KRABD2: variants seen among roughly 807,000 people sequenced by gnomAD.
The protein encoded by KRABD2 is KRAB domain-containing protein 2.
the KRABD2 span, among the ~76,000 whole-genome samples, chr17:8,367,716 G>A: frequency 7.9e-4 from 119 of 151,592 alleles, no homozygotes; most frequent in African/African-American, 2.7e-3. Flanking sequence ...CCTAGGCAGA[G>A]GACCCTGCGG....
chr17:8,364,117 C>T, the KRABD2 span, among the ~76,000 whole-genome samples: 1 of 151,696 alleles, frequency 6.6e-6, no homozygotes, highest in Admixed American at 6.6e-5. The surrounding 1 kb of genome is among the most constrained non-coding windows in gnomAD (Gnocchi z 4.4). Context: ...GATCCACCCA[C>T]CTTGGCCTTC....
the KRABD2 span, among the ~76,000 whole-genome samples, chr17:8,364,662 G>C: frequency 1.8e-4 from 27 of 152,094 alleles, no homozygotes; most frequent in Admixed American, 1.5e-3. This position sits in a 1 kb window ranked among gnomAD's most constrained non-coding sequence, Gnocchi z 4.4. Flanking sequence ...CATATGCCGA[G>C]TTCTCAAGAG....
At chr17:8,366,392 T>C in the KRABD2 span, among the ~76,000 whole-genome samples, 1 of 152,134 alleles carries the variant, frequency 6.6e-6, no homozygotes, top group South Asian at 2.1e-4. Flanking sequence ...AGGCCAACTC[T>C]TGCATTTTGT....
At chr17:8,370,338 G>A in the KRABD2 span, 1 of 1,604,852 alleles carries the variant, frequency 6.2e-7, no homozygotes, top group South Asian at 1.1e-5. Context: ...AACCCCAGGT[G>A]GATCATTTCC....
the KRABD2 span, among the ~76,000 whole-genome samples, chr17:8,375,398 G>A: frequency 6.6e-6 from 1 of 152,352 alleles, no homozygotes; most frequent in East Asian, 1.9e-4. Context: ...TGGAGAGGCG[G>A]CATCTTCCTT....
At chr17:8,375,785 G>T in the KRABD2 span, 5 of 639,006 alleles carry the variant, frequency 7.8e-6, no homozygotes, top group East Asian at 5.5e-5. Flanking sequence ...TGAAAGAAAT[G>T]TGACCGTAAA....
the KRABD2 span, chr17:8,370,515 A>T: frequency 1.5e-6 from 1 of 666,068 alleles, no homozygotes; most frequent in Non-Finnish European, 2.4e-6. Flanking sequence ...GAATGATAAT[A>T]GAATAATAGT....
At chr17:8,373,648 TGAGGAG>T in the KRABD2 span, 1 of 156,980 alleles carries the variant, frequency 6.4e-6, no homozygotes, top group Non-Finnish European at 1.3e-5. Context: ...GTCTGGGATG[TGAGGAG>T]CCCCTGTGCC....
the KRABD2 span, chr17:8,376,040 C>T: frequency 8.1e-7 from 1 of 1,231,718 alleles, no homozygotes; most frequent in Non-Finnish European, 1.0e-6. Context: ...TCTCAACAAC[C>T]TGTACCACAC....
At chr17:8,368,932 G>C in the KRABD2 span, 1 of 893,016 alleles carries the variant, frequency 1.1e-6, no homozygotes, top group South Asian at 2.1e-5. Context: ...CGCTGCGCCC[G>C]GCCAGGTTGT....
the KRABD2 span, chr17:8,359,579 G>C: frequency 4.4e-6 from 2 of 456,042 alleles, no homozygotes; most frequent in Non-Finnish European, 8.8e-6. Flanking sequence ...AAACTGACAG[G>C]CTAGAGAAGG....
chr17:8,360,842 G>A, the KRABD2 span, among the ~76,000 whole-genome samples: 16 of 152,294 alleles, frequency 1.1e-4, no homozygotes, highest in East Asian at 3.1e-3. Flanking sequence ...TAATTGCAGA[G>A]GTAACGGGCT....
At chr17:8,375,609 C>T in the KRABD2 span, 1 of 152,390 alleles carries the variant, frequency 6.6e-6, no homozygotes, top group Non-Finnish European at 1.5e-5. Context: ...GATCACGGCT[C>T]CCAGGGTCAA....
At chr17:8,363,826 C>CATATATATATAT in the KRABD2 span, among the ~76,000 whole-genome samples, 25 of 54,130 alleles carry the variant, frequency 4.6e-4, no homozygotes, top group Admixed American at 1.3e-3. Context: ...ATATATATAT[C>CATATATATATAT]ATACATATAT....
At chr17:8,363,538 C>T in the KRABD2 span, among the ~76,000 whole-genome samples, 10 of 151,532 alleles carry the variant, frequency 6.6e-5, no homozygotes, top group South Asian at 2.1e-4. Context: ...AGTAGAGATG[C>T]GGTTTCGCCA....
At chr17:8,375,717 T>TG in the KRABD2 span, 1 of 216,898 alleles carries the variant, frequency 4.6e-6, no homozygotes, top group Non-Finnish European at 8.2e-6. Flanking sequence ...TTTTTTTTTT[T>TG]GTAGAGACGG....
chr17:8,372,581 C>T, the KRABD2 span, among the ~76,000 whole-genome samples: 2 of 152,192 alleles, frequency 1.3e-5, no homozygotes, highest in Non-Finnish European at 2.9e-5. This position sits in a 1 kb window ranked among gnomAD's most constrained non-coding sequence, Gnocchi z 4.1. Flanking sequence ...TGTGAGCCAG[C>T]ACACCCAGCC....
At chr17:8,376,251 G>A in the KRABD2 span, 2 of 1,229,886 alleles carry the variant, frequency 1.6e-6, no homozygotes, top group Middle Eastern at 3.1e-4. Flanking sequence ...TAGAGCAGCG[G>A]TACGGCCGAG....
chr17:8,376,703 C>T, the KRABD2 span: 1 of 984,210 alleles, frequency 1.0e-6, no homozygotes, highest in Non-Finnish European at 1.2e-6. Flanking sequence ...AGCAGCAACT[C>T]CGCCCCACCT....
Sources: allele counts gnomAD v4.1 joint callset (sites outside exome capture counted in the v4.1 genomes callset), GRCh38; gene constraint gnomAD v4.1.1; non-coding constraint Gnocchi (gnomAD v3.1); transcripts MANE v1.5; gene names NCBI Gene and HGNC (gene_info 2026-07-23, HGNC 2026-07-21).